The following MANEA variants were observed in gnomAD, a reference collection of about 807,000 sequenced individuals.
The protein encoded by MANEA is mannosidase endo-alpha, also known as glycoprotein endo-alpha-1,2-mannosidase.
Under a neutral mutation model 36.8 loss-of-function variants are expected in MANEA, and 25 were observed. That is an observed-to-expected ratio of 0.68 (90% CI 0.50 to 0.95). The LOEUF is 0.95. Ranked by LOEUF, MANEA falls within the 40% of genes least tolerant of loss-of-function variation. MANEA has a pLI of 0.00. For synonymous variants in MANEA, 198 were observed against 188.5 expected (o/e 1.05, Z -0.41); for missense variants, 565 against 558.8 (o/e 1.01, Z -0.11).
intron 3 of MANEA, among the ~76,000 whole-genome samples, chr6:95,598,989 C>G: frequency 6.6e-6 from 1 of 152,094 alleles, no homozygotes; most frequent in East Asian, 1.9e-4. Flanking sequence ...TCAGCTTCTT[C>G]ATCTCTAAAA....
At chr6:95,592,900 C>A (rs1162129323) in intron 2 of MANEA, among the ~76,000 whole-genome samples, 1 of 151,984 alleles carries the variant, frequency 6.6e-6, no homozygotes, top group Non-Finnish European at 1.5e-5. Context: ...TAACTGTTAT[C>A]CTATTTGAAT....
In MANEA at chr6:95,606,329, T is replaced by G; in HGVS notation, c.1313T>G (p.Leu438Arg). The G allele has an allele frequency of 6.2e-7, 1 of 1,610,234 alleles. No individual in the cohort carries two copies. Among genetic ancestry groups the G allele is most frequent in the Non-Finnish European group, 8.5e-7 (1 of 1,179,840 alleles). The change falls in exon 5 of 5, where the codon CTG (leucine) becomes CGG (arginine). Residue 438 changes from leucine (L) to arginine (R), a missense_variant. Transcript: ENST00000358812. Reference sequence around the variant, plus strand: ...CATAAACCAGGTCTTTACCTAGAACTGACTCGCAAGTGGTCTGAAAAATAC... The same window carrying G: ...CATAAACCAGGTCTTTACCTAGAACGGACTCGCAAGTGGTCTGAAAAATAC... ...RPHKPGLYLELTRKWSEKYSK... is the reference protein window; with the variant it reads ...RPHKPGLYLERTRKWSEKYSK...
Position 95,607,913 on chromosome 6 carries a change from T to A in MANEA, c.*1508T>A, listed in dbSNP as rs1769746407. 4 of 151,798 alleles carry A rather than the reference T, an allele frequency of 2.6e-5. No homozygotes were observed. In the South Asian group the frequency reaches 8.3e-4, roughly 31 times the overall value. The allele number at this position is 151,798 out of a possible 1,614,324, so 9.4% of individuals were successfully genotyped here. A position where few individuals can be genotyped will look rare whatever the true frequency, so the allele number is the denominator to read the frequency against. ...AAACAAAAATTAGCACTAAATTTTT[T>A]ATAAAATAGACCAGATGACAAAATT... On this transcript the variant is annotated 3_prime_UTR_variant, in exon 5 of 5. Coordinates refer to ENST00000358812, the MANE Select transcript of MANEA (RefSeq NM_024641.4).
At chr6:95,597,453 G>GA (rs975107220) in intron 3 of MANEA, among the ~76,000 whole-genome samples, 3 of 151,884 alleles carry the variant, frequency 2.0e-5, no homozygotes, top group Admixed American at 2.0e-4. Context: ...CACTACAAAA[G>GA]AAAATTTTAT....
At chr6:95,602,810 G>C (rs1156956912) in intron 3 of MANEA, among the ~76,000 whole-genome samples, 1 of 150,630 alleles carries the variant, frequency 6.6e-6, no homozygotes. Flanking sequence ...CATGAGGTCA[G>C]GAGATCGAGA....
At chr6:95,595,702 T>A (rs1279750566) in intron 2 of MANEA, among the ~76,000 whole-genome samples, 2 of 152,200 alleles carry the variant, frequency 1.3e-5, no homozygotes, top group Admixed American at 1.3e-4. Context: ...TCCATTTCTT[T>A]GTATACGTAA....
rs1005250997 is a variant in MANEA, at chr6:95,607,764, T to G, written c.*1359T>G. ...TTACAGTTAATGTTTATAACTATAG[T>G]AAAAAATTAATATATATCCTATTAC... is the stretch of plus-strand genomic sequence containing the variant. On this transcript the variant is annotated 3_prime_UTR_variant, in exon 5 of 5. Coordinates refer to ENST00000358812, the MANE Select transcript of MANEA (RefSeq NM_024641.4). The G allele has an allele frequency of 3.6e-4, 54 of 151,744 alleles. No individual in the cohort carries two copies. The highest frequency in any genetic ancestry group is 1.3e-3 in the African/African-American group (53 of 41,532). The allele number at this position is 151,744 out of a possible 1,614,324, so 9.4% of individuals were successfully genotyped here.
intron 1 of MANEA, among the ~76,000 whole-genome samples, chr6:95,578,148 C>T (rs1378689669): frequency 6.6e-6 from 1 of 152,176 alleles, no homozygotes; most frequent in Non-Finnish European, 1.5e-5. Flanking sequence ...CGGGAGGAGA[C>T]CGCCCGATGG....
rs1486462920 is a variant in MANEA at position 95,608,630 on chromosome 6, T to C, written c.*2225T>C. 6.6e-6 allele frequency: 1 copy of C among 151,830 alleles called. No individual in the cohort carries two copies. The highest frequency in any genetic ancestry group is 2.4e-5 in the African/African-American group (1 of 41,396). The allele number at this position is 151,830 out of a possible 1,614,324, so 9.4% of individuals were successfully genotyped here. On this transcript the variant is annotated 3_prime_UTR_variant, in exon 5 of 5. Transcript: ENST00000358812. ...GCATCTGATCTCATAATTACTAGTTTATATTAATATAGTTTTTTTCTCCCT... is the reference window on the plus strand; with the variant it reads ...GCATCTGATCTCATAATTACTAGTTCATATTAATATAGTTTTTTTCTCCCT...
In MANEA at chr6:95,577,651, A is replaced by C. The variant is rs1376455955; in HGVS notation, c.-39+13A>C. ...TTACCCGACCCTGGTGAGTAGCTGC[A>C]GGAGTCAGACCTCTTGGAGGCGGCG... On this transcript the variant is annotated intron_variant, in intron 1 of 4. Coordinates refer to ENST00000358812, the MANE Select transcript of MANEA (RefSeq NM_024641.4). The C allele has an allele frequency of 6.6e-6, 1 of 152,338 alleles. No individual in the cohort carries two copies. The highest frequency in any genetic ancestry group is 2.4e-5 in the African/African-American group (1 of 41,456). 9.4% of individuals were successfully genotyped at this position (152,338 alleles called of 1,614,324 possible). A position where few individuals can be genotyped will look rare whatever the true frequency, so the allele number is the denominator to read the frequency against.
rs1298770740 is a variant in MANEA, at chr6:95,609,167, A to G, written c.*2762A>G. On this transcript the variant is annotated 3_prime_UTR_variant, in exon 5 of 5. Transcript: ENST00000358812. ...TCAAAACTATACGTTTGAATTCAAT[A>G]TGGTATAACTTAAAGTGGTATAATA... The G allele has an allele frequency of 6.6e-6, 1 of 151,774 alleles. No homozygotes were observed. Among genetic ancestry groups the G allele is most frequent in the East Asian group, 1.9e-4 (1 of 5,194 alleles). 9.4% of individuals were successfully genotyped at this position (151,774 alleles called of 1,614,324 possible).
chr6:95,592,881 C>G (rs751743042), intron 2 of MANEA, among the ~76,000 whole-genome samples: 6 of 152,050 alleles, frequency 3.9e-5, no homozygotes, highest in Non-Finnish European at 5.9e-5. Flanking sequence ...TTTTTATACC[C>G]TATATTCTTA....
At chr6:95,585,383 C>T (rs1769262262) in intron 1 of MANEA, among the ~76,000 whole-genome samples, 1 of 152,186 alleles carries the variant, frequency 6.6e-6, no homozygotes, top group African/African-American at 2.4e-5. Flanking sequence ...AATCATGGCT[C>T]ACTGCAGCCT....
intron 3 of MANEA, among the ~76,000 whole-genome samples, chr6:95,600,896 T>C (rs1196271835): frequency 6.6e-6 from 1 of 152,204 alleles, no homozygotes; most frequent in Non-Finnish European, 1.5e-5. Context: ...TATTAGTCAT[T>C]AAATATTTTG....
chr6:95,578,584 TG>T (rs1010203766), intron 1 of MANEA, among the ~76,000 whole-genome samples: 1 of 152,080 alleles, frequency 6.6e-6, no homozygotes, highest in Non-Finnish European at 1.5e-5. Context: ...GTATCACACC[TG>T]AAAAAAACAT....
In MANEA at chr6:95,608,534, G is replaced by A. The variant is rs1050712674; in HGVS notation, c.*2129G>A. 3.3e-5 allele frequency: 5 copies of A among 151,804 alleles called. No individual in the cohort carries two copies. The highest frequency in any genetic ancestry group is 4.8e-5 in the African/African-American group (2 of 41,404). 9.4% of individuals were successfully genotyped at this position (151,804 alleles called of 1,614,324 possible). ...AACACATTACCCTAACCAGCCAGCA[G>A]TAACAGATTTCAGAGTAAGATAAAG... On this transcript the variant is annotated 3_prime_UTR_variant, in exon 5 of 5. Coordinates refer to ENST00000358812, the MANE Select transcript of MANEA (RefSeq NM_024641.4).
At chr6:95,601,552 G>A (rs1392720782) in intron 3 of MANEA, among the ~76,000 whole-genome samples, 1 of 152,000 alleles carries the variant, frequency 6.6e-6, no homozygotes, top group Non-Finnish European at 1.5e-5. Flanking sequence ...AACCAGCCTG[G>A]AGCAGAACCA....
Position 95,606,254 on chromosome 6 carries a change from A to C in MANEA, c.1238A>C (p.Lys413Thr), listed in dbSNP as rs1335648278. The C allele has an allele frequency of 6.2e-7, 1 of 1,613,778 alleles. No individual in the cohort carries two copies. Among genetic ancestry groups the C allele is most frequent in the African/African-American group, 1.3e-5 (1 of 74,908 alleles). ...NEWHEGTQIE[K>T]AVPKRTSNTV... ...TGGCATGAAGGAACTCAGATTGAAAAAGCTGTTCCCAAAAGAACCAGTAAT... is the reference window on the plus strand; with the variant it reads ...TGGCATGAAGGAACTCAGATTGAAACAGCTGTTCCCAAAAGAACCAGTAAT... Residue 413 changes from lysine to threonine, a missense_variant, in exon 5 of 5, where the codon AAA becomes ACA. By Grantham distance (78) the Lys-to-Thr change is moderately conservative. Transcript: ENST00000358812.
intron 3 of MANEA, among the ~76,000 whole-genome samples, chr6:95,600,342 C>T (rs1769564731): frequency 6.6e-6 from 1 of 152,186 alleles, no homozygotes; most frequent in Admixed American, 6.5e-5. Context: ...GACCTGGAAT[C>T]ATGAGACTGG....
Sources: gnomAD v4.1 joint callset for allele counts (sites outside exome capture counted in the v4.1 genomes callset) on GRCh38, gnomAD v4.1.1 for gene constraint, MANE v1.5 for transcripts, NCBI Gene and HGNC (gene_info 2026-07-23, HGNC 2026-07-21) for gene names.